Variants in SDK1 observed in about 807,000 individuals in gnomAD.
The protein encoded by SDK1 is sidekick cell adhesion molecule 1, also known as protein sidekick-1.
Under a neutral mutation model 245.5 loss-of-function variants are expected in SDK1, and 157 were observed. The observed-to-expected ratio is 0.64, with a 90% CI of 0.56 to 0.73. SDK1 has a LOEUF of 0.73. SDK1 is among the 30% of genes least tolerant of loss of function. The pLI, the probability that SDK1 is intolerant of heterozygous loss-of-function variation, is 0.00. For missense variants in SDK1, 3,583 were observed against 3,002.3 expected (o/e 1.19, Z -4.52); for synonymous variants, 1,647 against 1,278.5 (o/e 1.29, Z -6.15).
intron 1 of SDK1, among the ~76,000 whole-genome samples, chr7:3,535,643 A>G (rs774396338): frequency 9.9e-5 from 15 of 152,188 alleles, no homozygotes; most frequent in Non-Finnish European, 1.5e-5. Flanking sequence ...CCCTCATTGT[A>G]TGAGAAACTA....
chr7:3,515,571 T>C (rs1226776907), intron 1 of SDK1, among the ~76,000 whole-genome samples: 1 of 152,220 alleles, frequency 6.6e-6, no homozygotes, highest in African/African-American at 2.4e-5. Flanking sequence ...CTCTATAATC[T>C]AGAATGTACT....
At chr7:3,724,817 T>TGGCCC (rs976725309) in intron 4 of SDK1, among the ~76,000 whole-genome samples, 1 of 152,206 alleles carries the variant, frequency 6.6e-6, no homozygotes, top group Non-Finnish European at 1.5e-5. Context: ...TGGACTGGCC[T>TGGCCC]GGCCCAGAAG....
At chr7:3,613,902 C>T (rs1191507852) in intron 1 of SDK1, among the ~76,000 whole-genome samples, 1 of 152,078 alleles carries the variant, frequency 6.6e-6, no homozygotes. Context: ...TGTTCTCCTC[C>T]TATAAGTGGG....
chr7:3,863,290 C>T (rs990903993), intron 5 of SDK1, among the ~76,000 whole-genome samples: 4 of 152,168 alleles, frequency 2.6e-5, no homozygotes, highest in African/African-American at 9.7e-5. Context: ...TATCAGAGAC[C>T]TTTCCAGTGA....
At chr7:3,693,562 T>G (rs1014484996) in intron 4 of SDK1, among the ~76,000 whole-genome samples, 62 of 152,242 alleles carry the variant, frequency 4.1e-4, no homozygotes, top group Non-Finnish European at 5.4e-4. Context: ...TTGATATGTT[T>G]TTTTCATAGA....
At chr7:3,583,344 C>T (rs947018032) in intron 1 of SDK1, among the ~76,000 whole-genome samples, 3 of 152,258 alleles carry the variant, frequency 2.0e-5, no homozygotes, top group Non-Finnish European at 2.9e-5. Flanking sequence ...TTTCCTCTTC[C>T]GGTGCCAAAT....
chr7:3,617,212 T>C (rs543695143), intron 1 of SDK1, among the ~76,000 whole-genome samples: 1 of 152,340 alleles, frequency 6.6e-6, no homozygotes, highest in East Asian at 1.9e-4. Context: ...TTGCTGATAT[T>C]AGTGTTATTA....
intron 1 of SDK1, among the ~76,000 whole-genome samples, chr7:3,405,081 A>G (rs1194784803): frequency 6.6e-6 from 1 of 151,930 alleles, no homozygotes; most frequent in East Asian, 1.9e-4. Context: ...GACTTTGGAA[A>G]GCCTTGGTTT....
chr7:4,150,603 G>A (rs899107236), intron 30 of SDK1, among the ~76,000 whole-genome samples: 4 of 152,194 alleles, frequency 2.6e-5, no homozygotes, highest in African/African-American at 9.7e-5. Context: ...CCTCGTCTTC[G>A]AGGCTGCCCG....
At chr7:3,665,927 G>T (rs959653084) in intron 4 of SDK1, among the ~76,000 whole-genome samples, 9 of 152,054 alleles carry the variant, frequency 5.9e-5, no homozygotes, top group Non-Finnish European at 1.2e-4. Context: ...GGGAAACTCA[G>T]AACACCTTCT....
At chr7:3,755,613 A>G (rs1035640116) in intron 4 of SDK1, among the ~76,000 whole-genome samples, 8 of 152,142 alleles carry the variant, frequency 5.3e-5, no homozygotes, top group Admixed American at 1.3e-4. Context: ...CCACAGCCAA[A>G]ATACAGAACG....
chr7:3,426,156 T>C (rs1779671179), intron 1 of SDK1, among the ~76,000 whole-genome samples: 2 of 152,170 alleles, frequency 1.3e-5, no homozygotes, highest in South Asian at 4.1e-4. Flanking sequence ...GATTCCGTGT[T>C]TTTTGAAGAG....
At chr7:4,009,850 T>C (rs1427313222) in intron 14 of SDK1, among the ~76,000 whole-genome samples, 1 of 152,252 alleles carries the variant, frequency 6.6e-6, no homozygotes, top group African/African-American at 2.4e-5. Context: ...GCTTGGTGAT[T>C]GGTAAGGAGC....
At chr7:3,980,334 G>A (rs1201453890) in intron 13 of SDK1, among the ~76,000 whole-genome samples, 4 of 152,182 alleles carry the variant, frequency 2.6e-5, no homozygotes, top group Non-Finnish European at 5.9e-5. Context: ...TTCCTGAGGT[G>A]TCCTGTGCCT....
intron 22 of SDK1, among the ~76,000 whole-genome samples, chr7:4,099,036 C>T (rs1159616708): frequency 6.6e-6 from 1 of 151,598 alleles, no homozygotes; most frequent in Non-Finnish European, 1.5e-5. Context: ...GATCTATGGC[C>T]AGGGGAGTAT....
At chr7:3,683,022 C>T (rs935522037) in intron 4 of SDK1, among the ~76,000 whole-genome samples, 5 of 152,140 alleles carry the variant, frequency 3.3e-5, no homozygotes, top group Admixed American at 2.0e-4. Flanking sequence ...GTATGAGCTA[C>T]CACGCGCGGC....
intron 1 of SDK1, among the ~76,000 whole-genome samples, chr7:3,372,048 T>TA (rs1414492459): frequency 6.6e-6 from 1 of 152,224 alleles, no homozygotes; most frequent in Non-Finnish European, 1.5e-5. Context: ...GCTACGTTGT[T>TA]AACATACAGT....
chr7:3,320,769 C>T (rs1411965374), intron 1 of SDK1, among the ~76,000 whole-genome samples: 4 of 152,104 alleles, frequency 2.6e-5, no homozygotes, highest in Non-Finnish European at 5.9e-5. Flanking sequence ...TCATATTTTG[C>T]TGCATCTAGA....
At chr7:3,724,713 G>A (rs1778958521) in intron 4 of SDK1, among the ~76,000 whole-genome samples, 2 of 152,206 alleles carry the variant, frequency 1.3e-5, no homozygotes, top group Non-Finnish European at 2.9e-5. Flanking sequence ...CGGGCTGCTT[G>A]GGTCCTGCAG....
Sources: gnomAD v4.1 joint callset for allele counts (sites outside exome capture counted in the v4.1 genomes callset) on GRCh38, gnomAD v4.1.1 for gene constraint, MANE v1.5 for transcripts, NCBI Gene and HGNC (gene_info 2026-07-23, HGNC 2026-07-21) for gene names.